FYCO1: variants seen among roughly 807,000 people sequenced by gnomAD.
The protein encoded by FYCO1 is FYVE and coiled-coil domain-containing protein 1.
A neutral mutation model predicts 165.1 loss-of-function variants in FYCO1; 122 were observed. That is an observed-to-expected ratio of 0.74 (90% confidence interval 0.64 to 0.86). The LOEUF is 0.86. FYCO1 is among the 40% of genes least tolerant of loss of function. FYCO1 has a pLI of 0.00. For missense variants in FYCO1, 1,702 were observed against 1,810.3 expected (o/e 0.94, Z 1.09); for synonymous variants, 648 against 742.5 (o/e 0.87, Z 2.07).
intron 11 of FYCO1, among the ~76,000 whole-genome samples, chr3:45,961,141 G>A (rs960077380): frequency 1.3e-5 from 2 of 152,174 alleles, no homozygotes. Flanking sequence ...TGCAATAGAT[G>A]AATCTAATTT....
chr3:45,990,440 A>G (rs1156362215), intron 1 of FYCO1, among the ~76,000 whole-genome samples: 2 of 152,226 alleles, frequency 1.3e-5, no homozygotes, highest in Non-Finnish European at 2.9e-5. Context: ...GAACAAGTGA[A>G]CATACAAGGT....
At chr3:45,960,494 C>T (rs1006575793) in intron 11 of FYCO1, among the ~76,000 whole-genome samples, 1 of 152,228 alleles carries the variant, frequency 6.6e-6, no homozygotes, top group Non-Finnish European at 1.5e-5. Context: ...CAGCCTCATT[C>T]TCTAGGCTGG....
intron 16 of FYCO1, among the ~76,000 whole-genome samples, chr3:45,927,379 A>G (rs1284559707): frequency 6.6e-6 from 1 of 152,262 alleles, no homozygotes; most frequent in Non-Finnish European, 1.5e-5. Flanking sequence ...GATCTCTGGA[A>G]AATCTCAAAA....
intron 14 of FYCO1, chr3:45,938,061 A>G (rs1703995143): frequency 4.8e-6 from 2 of 419,716 alleles, no homozygotes; most frequent in Admixed American, 5.5e-5. Context: ...ACAGAATGAG[A>G]GAGACACTGA....
Position 45,968,410 on chromosome 3 carries a change from G to A in FYCO1, c.924C>T (p.Thr308=), listed in dbSNP as rs201661843. ...LQKQWEVTQA[T]QNTVKELQTC... ...TCTGCAGCTCCTTCACAGTGTTCTG[G>A]GTGGCCTGGGTGACCTCCCACTGCT... Residue 308 remains threonine, a synonymous_variant, in exon 8 of 18, where the codon ACC becomes ACT. Coordinates refer to ENST00000296137, the MANE Select transcript of FYCO1 (RefSeq NM_024513.4). The A allele has an allele frequency of 1.2e-6, 2 of 1,613,776 alleles. No individual in the cohort carries two copies. Among genetic ancestry groups the A allele is most frequent in the South Asian group, 2.2e-5 (2 of 91,080 alleles).
chr3:45,968,404 G>A lies in FYCO1; in HGVS notation c.930C>T (p.Asn310=). 1 of 1,613,812 alleles carries A rather than the reference G, an allele frequency of 6.2e-7. No homozygotes were observed. The highest frequency in any genetic ancestry group is 8.5e-7 in the Non-Finnish European group (1 of 1,179,958). ...KQWEVTQATQ[N]TVKELQTCLQ... ...GGCATGTCTGCAGCTCCTTCACAGT[G>A]TTCTGGGTGGCCTGGGTGACCTCCC... Residue 310 remains asparagine, a synonymous_variant, in exon 8 of 18, where the codon AAC becomes AAT. Coordinates refer to ENST00000296137, the MANE Select transcript of FYCO1 (RefSeq NM_024513.4).
At chr3:45,965,261 G>C in intron 8 of FYCO1, 136 bp from the exon 9 acceptor site, 1 of 676,866 alleles carries the variant, frequency 1.5e-6, no homozygotes, top group Non-Finnish European at 2.6e-6. Context: ...AATGAGCTTT[G>C]GGTTTATTAA....
intron 14 of FYCO1, chr3:45,947,611 A>G (rs760656948): frequency 4.5e-6 from 4 of 888,616 alleles, no homozygotes; most frequent in Non-Finnish European, 7.1e-6. Context: ...GCGCATTCTC[A>G]TGGAGAAGTT....
chr3:45,951,884 G>A (rs979226314), intron 14 of FYCO1, among the ~76,000 whole-genome samples: 3 of 152,184 alleles, frequency 2.0e-5, no homozygotes, highest in South Asian at 2.1e-4. Context: ...GAGGGGCAAG[G>A]CAAACAACTT....
intron 14 of FYCO1, among the ~76,000 whole-genome samples, chr3:45,954,741 G>C (rs1309163738): frequency 1.3e-5 from 2 of 152,182 alleles, no homozygotes; most frequent in Admixed American, 1.3e-4. Context: ...CAATCGACCA[G>C]TGTCTGTAAG....
intron 1 of FYCO1, among the ~76,000 whole-genome samples, chr3:45,994,628 A>G (rs1231872459): frequency 6.6e-6 from 1 of 152,164 alleles, no homozygotes; most frequent in Non-Finnish European, 1.5e-5. Context: ...AAACCTTGGC[A>G]TGATAGCTCC....
Position 45,933,321 on chromosome 3 carries a change from T to G in FYCO1, c.4041-2040A>C, listed in dbSNP as rs56155971. On this transcript the variant is annotated intron_variant, in intron 15 of 17. Coordinates refer to ENST00000296137, the MANE Select transcript of FYCO1 (RefSeq NM_024513.4). ...TTTTCAGATGCTCTCATGATGTTGT[T>G]GCTAATCCTTAGCTTGCTGTCACTC... Among the ~76,000 whole-genome samples the G allele has an allele frequency of 5.4e-3, 825 of 152,316 alleles. 3 individuals carry two copies. Among genetic ancestry groups the G allele is most frequent in the Non-Finnish European group, 9.1e-3 (617 of 68,026 alleles).
chr3:45,966,661 G>A lies in FYCO1; in HGVS notation c.2673C>T (p.His891=), dbSNP rs778221335. The part of the protein sequence containing the change: ...KCSSEEAQLE[H]AELQEQLHRA... The stretch of plus-strand genomic sequence containing the variant: ...GGTGCAGCTGCTCTTGCAGCTCAGC[G>A]TGCTCCAGCTGTGCTTCCTCGGAGC... Residue 891 remains histidine (H), a synonymous_variant, in exon 8 of 18, where the codon CAC becomes CAT. Coordinates refer to ENST00000296137, the MANE Select transcript of FYCO1 (RefSeq NM_024513.4). 68 of 1,613,980 alleles carry A rather than the reference G, an allele frequency of 4.2e-5. No individual in the cohort carries two copies. The highest frequency in any genetic ancestry group is 5.2e-5 in the Non-Finnish European group (61 of 1,180,030).
In FYCO1 at chr3:45,968,471, T is replaced by C. The variant is rs1472801421; in HGVS notation, c.863A>G (p.Asn288Ser). The change falls in exon 8 of 18, where the codon AAC becomes AGC. Residue 288 changes from asparagine to serine, a missense_variant. Transcript: ENST00000296137. ...AGCTACCAAGCAAGTGAGGCGAACG[T>C]TGTCCTCCGCTGCAGTGCGCCCCCT... ...RERGRTAAED[N>S]VRLTCLVAEL... The C allele has an allele frequency of 6.2e-7, 1 of 1,614,070 alleles. No homozygotes were observed.
rs539284389 is a variant in FYCO1, at chr3:45,993,301, A to G, written c.-113+2421T>C. 6.6e-6 allele frequency among the ~76,000 whole-genome samples: 1 copy of G among 152,316 alleles called. No individual in the cohort carries two copies. Among genetic ancestry groups the G allele is most frequent in the Admixed American group, 6.5e-5 (1 of 15,310 alleles). Reference sequence around the variant, plus strand: ...AAAGGGATAAAACTGCTCTTGCCTAACTGAGCACAGCTTCTGCCATCATCC... The same window carrying G: ...AAAGGGATAAAACTGCTCTTGCCTAGCTGAGCACAGCTTCTGCCATCATCC... On this transcript the variant is annotated intron_variant, in intron 1 of 17. Coordinates refer to ENST00000296137, the MANE Select transcript of FYCO1 (RefSeq NM_024513.4). The surrounding 1 kb of genome is among the most constrained non-coding windows in gnomAD (Gnocchi z 4.4).
chr3:45,936,626 A>G, intron 14 of FYCO1, 83 bp from the exon 15 acceptor site: 1 of 948,570 alleles, frequency 1.1e-6, no homozygotes, highest in Non-Finnish European at 1.7e-6. Flanking sequence ...TCTTGGAGTC[A>G]CAGGCAGCCA....
chr3:45,972,958 G>A, intron 6 of FYCO1, 130 bp downstream of exon 6: 1 of 921,148 alleles, frequency 1.1e-6, no homozygotes, highest in East Asian at 2.6e-5. Flanking sequence ...AAAAGGAGCT[G>A]GAATAAGAGT....
At position 45,920,376 on chromosome 3, in the gene FYCO1, G is replaced by T. The variant is rs992184961; in HGVS notation, c.*1389C>A. 1.3e-5 allele frequency: 2 copies of T among 152,216 alleles called. No homozygotes were observed. Among genetic ancestry groups the T allele is most frequent in the African/African-American group, 4.8e-5 (2 of 41,406 alleles). The allele number at this position is 152,216 out of a possible 1,614,324, so 9.4% of individuals were successfully genotyped here. ...TGCCGGGCCCAGCTCTCAGATTCTC[G>T]GATAGCCTGTCTGGTGCTCTCTCCC... On this transcript the variant is annotated 3_prime_UTR_variant, in exon 18 of 18. Transcript: ENST00000296137.
At position 45,966,526 on chromosome 3, in the gene FYCO1, G is replaced by A. The variant is rs773810260; in HGVS notation, c.2808C>T (p.Ala936=). 2 of 1,613,354 alleles carry A rather than the reference G, an allele frequency of 1.2e-6. No homozygotes were observed. Among genetic ancestry groups the A allele is most frequent in the East Asian group, 4.5e-5 (2 of 44,844 alleles). ...CTCGCTCCCTTGAGGCTGCCTCTTT[G>A]GCGTCCTGGAGCTCCTGGACAGCAC... ...LACAVQELQD[A]KEAASREREG... The change falls in exon 8 of 18, where the codon GCC becomes GCT. Residue 936 remains alanine (A), a synonymous_variant. Coordinates refer to ENST00000296137, the MANE Select transcript of FYCO1 (RefSeq NM_024513.4).
Sources: gnomAD v4.1 joint callset for allele counts (sites outside exome capture counted in the v4.1 genomes callset) on GRCh38, gnomAD v4.1.1 for gene constraint, Gnocchi (gnomAD v3.1) non-coding constraint, MANE v1.5 for transcripts, NCBI Gene and HGNC (gene_info 2026-07-23, HGNC 2026-07-21) for gene names.